The following CASK variants were observed in gnomAD, a reference collection of about 807,000 sequenced individuals.
The protein encoded by CASK is calcium/calmodulin dependent serine protein kinase.
In CASK, 4 loss-of-function variants were observed where a neutral mutation model predicts 82.9. The ratio of observed to expected loss-of-function variants is 0.05; its 90% CI spans 0.02 to 0.11. The LOEUF (loss-of-function observed/expected upper bound fraction) is 0.11. Ranked by LOEUF, CASK falls within the 10% of genes least tolerant of loss-of-function variation. CASK has a pLI of 1.00. For missense variants in CASK, 358 were observed against 720.9 expected (o/e 0.50, Z 5.76); for synonymous variants, 259 against 253.5 (o/e 1.02, Z -0.20).
chrX:41,554,164 A>T (rs2065133783), intron 20 of CASK, among the ~76,000 whole-genome samples: 1 of 112,622 alleles, frequency 8.9e-6, no homozygotes, highest in Non-Finnish European at 1.9e-5. Context: ...TACTTGTTTA[A>T]TAAAAATAAA....
chrX:41,923,009 C>G lies in CASK; in HGVS notation c.-21G>C, dbSNP rs777251787. ...GCCATGGTCCGGAGGGGATAGCGGC[C>G]GCAGCGTGGAGGGCTTCGAAAACGG... On this transcript the variant is annotated 5_prime_UTR_variant, in exon 1 of 27. Coordinates refer to ENST00000378163, the MANE Select transcript of CASK (RefSeq NM_001367721.1). The G allele has an allele frequency of 3.3e-6, 4 of 1,203,570 alleles. No homozygotes were observed. In the African/African-American group the frequency reaches 7.0e-5, roughly 21 times the overall value.
rs988598088 is a variant in CASK, at chrX:41,622,516, C to T, written c.1033+101G>A. On this transcript the variant is annotated intron_variant, in intron 11 of 26. Coordinates refer to ENST00000378163, the MANE Select transcript of CASK (RefSeq NM_001367721.1). The stretch of plus-strand genomic sequence containing the variant: ...TAAAATTAATACTTAAACAACTACA[C>T]ACAAACAGCCAAGGAAAAAGTCAAG... The T allele has an allele frequency of 3.4e-5, 22 of 638,293 alleles. No homozygotes were observed. In the African/African-American group the frequency reaches 4.7e-4, roughly 14 times the overall value. The allele number at this position is 638,293 out of a possible 1,213,427, so 52.6% of individuals were successfully genotyped here.
chrX:41,807,905 G>T (rs1185251884), intron 2 of CASK, among the ~76,000 whole-genome samples: 2 of 111,490 alleles, frequency 1.8e-5, no homozygotes. Context: ...ACCCAGGCTG[G>T]AGTGCAGTGG....
intron 5 of CASK, among the ~76,000 whole-genome samples, chrX:41,673,829 GTTTTTTTTTTTTTT>G (rs887137250): frequency 3.9e-5 from 2 of 51,045 alleles, no homozygotes; most frequent in African/African-American, 1.5e-4. Context: ...AACTCTGGGT[GTTTTTTTTTTTTTT>G]TTTTTTTTTG....
intron 3 of CASK, among the ~76,000 whole-genome samples, chrX:41,766,952 C>G (rs1435103893): frequency 1.8e-5 from 2 of 111,823 alleles, no homozygotes; most frequent in African/African-American, 6.5e-5. Flanking sequence ...GGTAAGAACT[C>G]TTTTTTGTTA....
At chrX:41,873,901 C>T (rs913726357) in intron 1 of CASK, among the ~76,000 whole-genome samples, 1 of 107,467 alleles carries the variant, frequency 9.3e-6, no homozygotes, top group Non-Finnish European at 1.9e-5. Flanking sequence ...GCAATTCTTC[C>T]TGCCTCAGCC....
At chrX:41,689,990 A>AGTAG (rs959649373) in intron 5 of CASK, among the ~76,000 whole-genome samples, 9 of 111,616 alleles carry the variant, frequency 8.1e-5, no homozygotes, top group Non-Finnish European at 1.7e-4. Context: ...AAACTGCAGG[A>AGTAG]GTAGGTGGTG....
intron 6 of CASK, among the ~76,000 whole-genome samples, chrX:41,669,858 G>A (rs988774856): frequency 1.8e-5 from 2 of 111,557 alleles, no homozygotes; most frequent in African/African-American, 6.5e-5. Flanking sequence ...ATACTGAAGA[G>A]ATTTTGAACC....
chrX:41,645,116 G>C (rs972988859), intron 8 of CASK, among the ~76,000 whole-genome samples: 3 of 110,536 alleles, frequency 2.7e-5, no homozygotes, highest in Admixed American at 9.7e-5. Context: ...ATAAAAACTT[G>C]CTAGTTTTTG....
intron 5 of CASK, among the ~76,000 whole-genome samples, chrX:41,692,529 T>C (rs2147565453): frequency 8.9e-6 from 1 of 112,950 alleles, no homozygotes; most frequent in East Asian, 2.8e-4. Flanking sequence ...GTCTCTGCAA[T>C]TTCTATCATT....
At chrX:41,643,351 A>C (rs1036783133) in intron 8 of CASK, among the ~76,000 whole-genome samples, 3 of 111,579 alleles carry the variant, frequency 2.7e-5, no homozygotes, top group Non-Finnish European at 5.6e-5. Context: ...TGAATCTATA[A>C]ATTACTTTGG....
chrX:41,677,085 T>C (rs189586739), intron 5 of CASK, among the ~76,000 whole-genome samples: 23 of 108,037 alleles, frequency 2.1e-4, no homozygotes, highest in Admixed American at 2.0e-3. Context: ...GGCGGGAAGA[T>C]TGCTTGAGCC....
chrX:41,651,295 G>A (rs2066861513), intron 8 of CASK, among the ~76,000 whole-genome samples: 1 of 111,946 alleles, frequency 8.9e-6, no homozygotes, highest in Non-Finnish European at 1.9e-5. Flanking sequence ...CCCCGTTATG[G>A]AGAAAGTGAG....
At chrX:41,716,682 T>C (rs2068067388) in intron 5 of CASK, among the ~76,000 whole-genome samples, 1 of 112,155 alleles carries the variant, frequency 8.9e-6, no homozygotes, top group Non-Finnish European at 1.9e-5. Flanking sequence ...GTTTTTAAAC[T>C]TTGAGTCAGA....
chrX:41,678,329 A>G (rs752538652), intron 5 of CASK, among the ~76,000 whole-genome samples: 61 of 108,313 alleles, frequency 5.6e-4, no homozygotes, highest in Non-Finnish European at 3.3e-4. Flanking sequence ...TGTTCATGCC[A>G]TTGATTTGTT....
At chrX:41,523,814 C>A in intron 26 of CASK, 137 bp downstream of exon 26, 1 of 548,388 alleles carries the variant, frequency 1.8e-6, no homozygotes, top group South Asian at 2.6e-5. Flanking sequence ...TAAGACTGTC[C>A]CATGTAGCAT....
Position 41,599,920 on chromosome X carries a change from A to G in CASK, c.1155+9984T>C, listed in dbSNP as rs773093328. 3.6e-5 allele frequency among the ~76,000 whole-genome samples: 4 copies of G among 112,252 alleles called. No homozygotes were observed. In the South Asian group the frequency reaches 1.5e-3, roughly 41 times the overall value. ...TTGTTTTAATAAAATCTTCTGAAAT[A>G]CGGTACTTTTTAGTATCAGATACAA... On this transcript the variant is annotated intron_variant, in intron 12 of 26. Transcript: ENST00000378163.
At chrX:41,597,508 A>G (rs1021454504) in intron 12 of CASK, among the ~76,000 whole-genome samples, 1 of 112,646 alleles carries the variant, frequency 8.9e-6, no homozygotes, top group Non-Finnish European at 1.9e-5. Flanking sequence ...ACGGAATTAC[A>G]CTGTGTAGCA....
rs184768597 is a variant in CASK at position 41,735,004 on chromosome X, A to G, written c.429+4380T>C. 2.3e-3 allele frequency among the ~76,000 whole-genome samples: 252 copies of G among 111,485 alleles called. 3 individuals are homozygous for G. The highest frequency in any genetic ancestry group is 4.1e-3 in the Non-Finnish European group (217 of 53,071). On this transcript the variant is annotated intron_variant, in intron 5 of 26. Coordinates refer to ENST00000378163, the MANE Select transcript of CASK (RefSeq NM_001367721.1). The stretch of plus-strand genomic sequence containing the variant: ...CAAATAATCCTTTTAAGACTCAGTT[A>G]CAATGATTACAAAAGGAAATACCTT...
Sources: allele counts gnomAD v4.1 joint callset (sites outside exome capture counted in the v4.1 genomes callset), GRCh38; gene constraint gnomAD v4.1.1; transcripts MANE v1.5; gene names NCBI Gene and HGNC (gene_info 2026-07-23, HGNC 2026-07-21).